MSH6: variants seen among roughly 807,000 people sequenced by gnomAD.
MSH6 encodes the protein DNA mismatch repair protein Msh6.
Under a neutral mutation model 119.1 loss-of-function variants are expected in MSH6, and 85 were observed. The ratio of observed to expected loss-of-function variants is 0.71; its 90% CI spans 0.60 to 0.85. The LOEUF is 0.85. Among genes scored for constraint, MSH6 ranks in the 40% least tolerant of loss-of-function variants. The probability of loss-of-function intolerance (pLI) is 0.00; values close to 1 mark genes in which losing one functional copy is unlikely to be tolerated. For missense variants in MSH6, 2,163 were observed against 1,655.3 expected (o/e 1.31, Z -5.32); for synonymous variants, 830 against 586.9 (o/e 1.41, Z -5.99).
intron 1 of MSH6, among the ~76,000 whole-genome samples, chr2:47,787,834 G>T (rs1244334126): frequency 6.6e-6 from 1 of 152,052 alleles, no homozygotes; most frequent in Non-Finnish European, 1.5e-5. Context: ...AGCCCAGATG[G>T]TCTCGAATTC....
rs542766377 is a variant in MSH6 at position 47,793,431 on chromosome 2, C to T, written c.457+2308C>T. On this transcript the variant is annotated intron_variant, in intron 2 of 9. Coordinates refer to ENST00000234420, the MANE Select transcript of MSH6 (RefSeq NM_000179.3). ...GATCACGAGGTCAGGCGTTCGAGAC[C>T]AGCCTGACCAAGATGGTGAAACACT... is the stretch of plus-strand genomic sequence containing the variant. Among the ~76,000 whole-genome samples, 3 of 150,188 alleles carry T rather than the reference C, an allele frequency of 2.0e-5. No homozygotes were observed. In the South Asian group the frequency reaches 6.3e-4, roughly 31 times the overall value.
At chr2:47,809,808 C>T (rs1670484758), downstream of MSH6, 1 of 708,256 alleles carries the variant, frequency 1.4e-6, no homozygotes, top group East Asian at 2.7e-5. Flanking sequence ...TATAGAAGTA[C>T]ATTAACCCTC....
At chr2:47,807,247 C>CAGGACTGTTTGTTTTGAAGAGACTTTCTA (rs1670277402), downstream of MSH6, 1 of 233,998 alleles carries the variant, frequency 4.3e-6, no homozygotes, top group Admixed American at 5.3e-5. Flanking sequence ...AGTTCAAATA[C>CAGGACTGTTTGTTTTGAAGAGACTTTCTA]AGGACTGTTT....
chr2:47,804,176 T>C (rs2104493854), intron 5 of MSH6, among the ~76,000 whole-genome samples: 1 of 151,870 alleles, frequency 6.6e-6, no homozygotes, highest in South Asian at 2.1e-4. Flanking sequence ...AGTGGCACCA[T>C]CACAGCTCAC....
chr2:47,806,841 CTT>C lies in MSH6; in HGVS notation c.4066_4067del (p.Leu1356AspfsTer2). ...GCTGAAGCTGTCCATAAATTGCTGA[CTT>C]TGATTAAGGAATTATAGACTGACTA... On this transcript the variant is annotated frameshift_variant, in exon 10 of 10. Coordinates refer to ENST00000234420, the MANE Select transcript of MSH6 (RefSeq NM_000179.3). LOFTEE classifies it high-confidence loss of function. 1 of 1,609,460 alleles carries C rather than the reference CTT, an allele frequency of 6.2e-7. No individual in the cohort carries two copies. Among genetic ancestry groups the C allele is most frequent in the Non-Finnish European group, 8.5e-7 (1 of 1,178,434 alleles).
chr2:47,809,355 C>T (rs1268724996), downstream of MSH6: 4 of 853,912 alleles, frequency 4.7e-6, no homozygotes, highest in Admixed American at 2.9e-5. Context: ...ACAGAAGAGC[C>T]ACTATTTTTA....
chr2:47,791,192 C>T, intron 2 of MSH6, 69 bp downstream of exon 2: 1 of 1,433,108 alleles, frequency 7.0e-7, no homozygotes. Flanking sequence ...AACAGACAGA[C>T]AGGCAGACTT....
At chr2:47,808,471 A>C (rs749879099), downstream of MSH6, 1 of 1,484,318 alleles carries the variant, frequency 6.7e-7, no homozygotes, top group Non-Finnish European at 9.1e-7. Flanking sequence ...ACATGTCATT[A>C]ATGCAAAACA....
chr2:47,783,904 G>A (rs1452012685), intron 1 of MSH6: 15 of 999,152 alleles, frequency 1.5e-5, no homozygotes, highest in Non-Finnish European at 1.8e-5. Flanking sequence ...TGGGCGGGGC[G>A]GGGGGCGGGG....
intron 1 of MSH6, among the ~76,000 whole-genome samples, chr2:47,785,714 A>C (rs966990770): frequency 6.6e-6 from 1 of 152,232 alleles, no homozygotes; most frequent in African/African-American, 2.4e-5. Context: ...ATCCGCAATA[A>C]CAAACTCCTG....
intron 1 of MSH6, among the ~76,000 whole-genome samples, chr2:47,786,561 T>C (rs1668364156): frequency 6.6e-6 from 1 of 152,112 alleles, no homozygotes; most frequent in African/African-American, 2.4e-5. Flanking sequence ...CGTGAACTCC[T>C]GACCTCAGGT....
At chr2:47,796,813 T>C (rs1254019213) in intron 3 of MSH6, among the ~76,000 whole-genome samples, 1 of 151,902 alleles carries the variant, frequency 6.6e-6, no homozygotes, top group Admixed American at 6.6e-5. Context: ...ATACAAAAAT[T>C]AGCTGGGCGT....
intron 2 of MSH6, among the ~76,000 whole-genome samples, chr2:47,791,880 C>G (rs761868258): frequency 6.6e-6 from 1 of 150,796 alleles, no homozygotes; most frequent in Non-Finnish European, 1.5e-5. Context: ...GAGTTTTGCT[C>G]TTTTGGCCCA....
At chr2:47,797,624 C>G (rs1461448482) in intron 3 of MSH6, among the ~76,000 whole-genome samples, 1 of 152,194 alleles carries the variant, frequency 6.6e-6, no homozygotes, top group Non-Finnish European at 1.5e-5. Context: ...ATAGAACTCC[C>G]ATGGCAGCAA....
At chr2:47,801,361 G>GTTTTTTTGTTTTTTTTTTT (rs1669577474) in intron 4 of MSH6, 1 of 84,402 alleles carries the variant, frequency 1.2e-5, no homozygotes, top group Non-Finnish European at 2.0e-5. Flanking sequence ...CCTTTCTTCA[G>GTTTTTTTGTTTTTTTTTTT]TTTTTTTTTT....
At chr2:47,797,970 T>TA (rs1669200113) in intron 3 of MSH6, 1 of 204,148 alleles carries the variant, frequency 4.9e-6, no homozygotes, top group African/African-American at 2.3e-5. Context: ...AGAGTCGACT[T>TA]ACCCCCCATA....
Position 47,800,768 on chromosome 2 carries a change from C to T in MSH6, c.2785C>T (p.Pro929Ser), listed in dbSNP as rs1553414139. 6.2e-7 allele frequency: 1 copy of T among 1,614,098 alleles called. No individual in the cohort carries two copies. Among genetic ancestry groups the T allele is most frequent in the Non-Finnish European group, 8.5e-7 (1 of 1,180,030 alleles). The change falls in exon 4 of 10, where the codon CCC (proline) becomes TCC (serine). Residue 929 changes from proline (P) to serine (S), a missense_variant. Coordinates refer to ENST00000234420, the MANE Select transcript of MSH6 (RefSeq NM_000179.3). ...GGCTCGAAAGACTGGACTTATTACT[C>T]CCAAAGCAGGCTTTGACTCTGATTA... is the stretch of plus-strand genomic sequence containing the variant. ...EKARKTGLITPKAGFDSDYDQ... is the reference protein window; with the variant it reads ...EKARKTGLITSKAGFDSDYDQ...
downstream of MSH6, chr2:47,809,921 C>A: frequency 3.7e-6 from 2 of 536,582 alleles, no homozygotes; most frequent in Non-Finnish European, 6.6e-6. Flanking sequence ...TTCGCACCAA[C>A]CTAACTGTCT....
chr2:47,805,588 GTATT>G (rs1233213630), intron 6 of MSH6, 26 bp from the exon 7 acceptor site: 4 of 1,400,916 alleles, frequency 2.9e-6, no homozygotes, highest in African/African-American at 2.8e-5. Flanking sequence ...TGCAAAATGA[GTATT>G]CATTTGTGAT....
Sources: allele counts gnomAD v4.1 joint callset (sites outside exome capture counted in the v4.1 genomes callset), GRCh38; gene constraint gnomAD v4.1.1; transcripts MANE v1.5; gene names NCBI Gene and HGNC (gene_info 2026-07-23, HGNC 2026-07-21).